Variants in CPE observed in about 807,000 individuals in gnomAD.
CPE encodes the protein carboxypeptidase E.
A neutral mutation model predicts 53.5 loss-of-function variants in CPE; 17 were observed. That is an observed-to-expected ratio of 0.32 (90% CI 0.22 to 0.48). The LOEUF is 0.48. Among genes scored for constraint, CPE ranks in the 20% least tolerant of loss-of-function variants. The pLI is 0.99. For missense variants in CPE, 524 were observed against 614.7 expected (o/e 0.85, Z 1.56); for synonymous variants, 226 against 228.8 (o/e 0.99, Z 0.11).
chr4:165,398,566 G>A (rs1730813689), intron 1 of CPE, among the ~76,000 whole-genome samples: 2 of 152,148 alleles, frequency 1.3e-5, no homozygotes, highest in Non-Finnish European at 2.9e-5. Flanking sequence ...TTTCAAGATA[G>A]CCCTGATTTT....
chr4:165,447,839 A>G (rs1380144346), intron 1 of CPE, among the ~76,000 whole-genome samples: 2 of 152,126 alleles, frequency 1.3e-5, no homozygotes, highest in Non-Finnish European at 2.9e-5. Flanking sequence ...AAAAACAAGG[A>G]CACAAACACA....
intron 7 of CPE, among the ~76,000 whole-genome samples, chr4:165,494,884 AAGG>A (rs1423999314): frequency 6.6e-6 from 1 of 152,288 alleles, no homozygotes; most frequent in East Asian, 1.9e-4. Context: ...TGTTAGGAAA[AAGG>A]AGAAGGTGTG....
At chr4:165,470,439 G>A (rs1732184922) in intron 3 of CPE, among the ~76,000 whole-genome samples, 1 of 152,090 alleles carries the variant, frequency 6.6e-6, no homozygotes, top group South Asian at 2.1e-4. Context: ...CCAGTTGAGT[G>A]TTCCTACTAA....
At chr4:165,385,238 T>C (rs983835971) in intron 1 of CPE, among the ~76,000 whole-genome samples, 1 of 152,164 alleles carries the variant, frequency 6.6e-6, no homozygotes, top group Non-Finnish European at 1.5e-5. Context: ...ATTCTTTTTT[T>C]ACTTTCAGTT....
intron 1 of CPE, among the ~76,000 whole-genome samples, chr4:165,399,188 A>G (rs140791974): frequency 1.3e-5 from 2 of 152,322 alleles, no homozygotes; most frequent in East Asian, 3.9e-4. Context: ...AATAATGTTT[A>G]CTGAGGATGT....
At chr4:165,484,340 C>A in intron 4 of CPE, 82 bp from the exon 5 acceptor site, 2 of 1,272,582 alleles carry the variant, frequency 1.6e-6, no homozygotes, top group Non-Finnish European at 2.2e-6. Context: ...TACAATTACT[C>A]AATACTGAAT....
At chr4:165,493,103 C>T (rs1732636039) in intron 6 of CPE, 68 bp from the exon 7 acceptor site, 3 of 966,432 alleles carry the variant, frequency 3.1e-6, no homozygotes, top group East Asian at 5.1e-5. Flanking sequence ...TGATATGAAA[C>T]ATATTTAAGG....
intron 6 of CPE, among the ~76,000 whole-genome samples, chr4:165,488,363 T>A (rs1732543574): frequency 6.6e-6 from 1 of 152,192 alleles, no homozygotes; most frequent in Non-Finnish European, 1.5e-5. Flanking sequence ...GTCATTTATG[T>A]AGCCATTCCA....
At chr4:165,480,976 C>G (rs142144161) in intron 3 of CPE, among the ~76,000 whole-genome samples, 9 of 141,182 alleles carry the variant, frequency 6.4e-5, no homozygotes, top group Middle Eastern at 3.9e-3. Flanking sequence ...TCTTGTCTGT[C>G]TCTACATTTT....
intron 1 of CPE, among the ~76,000 whole-genome samples, chr4:165,434,126 A>G (rs199729962): frequency 6.9e-6 from 1 of 145,082 alleles, no homozygotes; most frequent in African/African-American, 2.6e-5. Flanking sequence ...CTTTTTTTTC[A>G]TTTATCTCAA....
At chr4:165,419,504 A>C (rs551822465) in intron 1 of CPE, among the ~76,000 whole-genome samples, 1 of 152,314 alleles carries the variant, frequency 6.6e-6, no homozygotes, top group Non-Finnish European at 1.5e-5. Flanking sequence ...CATTTTATTT[A>C]ATCCTCAAAA....
In CPE at chr4:165,487,558, T is replaced by C; in HGVS notation, c.1094T>C (p.Leu365Pro). ...KTYWEDNKNS[L>P]ISYLEQIHRG... ...TACTGGGAGGATAACAAAAACTCCCTCATTAGCTACCTTGAGCAGGTAAAC... is the reference window on the plus strand; with the variant it reads ...TACTGGGAGGATAACAAAAACTCCCCCATTAGCTACCTTGAGCAGGTAAAC... Residue 365 changes from leucine (L) to proline (P), a missense_variant, in exon 6 of 9, where the codon CTC (leucine) becomes CCC (proline). Transcript: ENST00000402744. 6.2e-7 allele frequency: 1 copy of C among 1,614,088 alleles called. No homozygotes were observed. Among genetic ancestry groups the C allele is most frequent in the Middle Eastern group, 1.6e-4 (1 of 6,062 alleles).
At chr4:165,462,242 C>T (rs1259628948) in intron 1 of CPE, among the ~76,000 whole-genome samples, 3 of 152,222 alleles carry the variant, frequency 2.0e-5, no homozygotes. Context: ...AAAGCATTCA[C>T]ATTCGAACAC....
Position 165,493,942 on chromosome 4 carries a change from C to T in CPE, c.1213+672C>T, listed in dbSNP as rs529829247. 9.9e-5 allele frequency among the ~76,000 whole-genome samples: 15 copies of T among 152,264 alleles called. No homozygotes were observed. In the South Asian group the frequency reaches 3.1e-3, roughly 32 times the overall value. On this transcript the variant is annotated intron_variant, in intron 7 of 8. Coordinates refer to ENST00000402744, the MANE Select transcript of CPE (RefSeq NM_001873.4). ...AGTTTGTCATTTGTTGGGATCTTTT[C>T]AATAATGACAACTTTTTCTTTTTAG...
Position 165,487,282 on chromosome 4 carries a change from C to T in CPE, c.974-156C>T, listed in dbSNP as rs181723231. On this transcript the variant is annotated intron_variant, in intron 5 of 8. Coordinates refer to ENST00000402744, the MANE Select transcript of CPE (RefSeq NM_001873.4). The stretch of plus-strand genomic sequence containing the variant: ...CAACCCCCGACCTATGTTGTTCAAT[C>T]CCTTACAGCAGATGATTTCCCTTAA... Among the ~76,000 whole-genome samples the T allele has an allele frequency of 2.1e-3, 324 of 152,306 alleles. 5 individuals carry two copies. Among genetic ancestry groups the T allele is most frequent in the Admixed American group, 0.019 (284 of 15,302 alleles).
At chr4:165,447,732 G>A (rs1365413120) in intron 1 of CPE, among the ~76,000 whole-genome samples, 1 of 152,014 alleles carries the variant, frequency 6.6e-6, no homozygotes, top group African/African-American at 2.4e-5. Context: ...TTCTATAGCT[G>A]TACAAAAATC....
chr4:165,447,498 G>A (rs1379540194), intron 1 of CPE, among the ~76,000 whole-genome samples: 1 of 151,908 alleles, frequency 6.6e-6, no homozygotes. Flanking sequence ...TTGAATCCAG[G>A]AGGCAGAGGT....
In CPE at chr4:165,484,514, C is replaced by G; in HGVS notation, c.883C>G (p.Pro295Ala). The G allele has an allele frequency of 1.2e-6, 2 of 1,614,094 alleles. No individual in the cohort carries two copies. Among genetic ancestry groups the G allele is most frequent in the Non-Finnish European group, 1.7e-6 (2 of 1,179,978 alleles). The change falls in exon 5 of 9, where the codon CCC (proline) becomes GCC (alanine). Residue 295 changes from proline to alanine, a missense_variant. Coordinates refer to ENST00000402744, the MANE Select transcript of CPE (RefSeq NM_001873.4). ...TTCTTTCAACCCGGCCATGTCTGAC[C>G]CCAATCGGCCACCATGTCGCAAGAA... is the stretch of plus-strand genomic sequence containing the variant. ...YSSFNPAMSD[P>A]NRPPCRKNDD...
chr4:165,411,501 T>A (rs1731041782), intron 1 of CPE, among the ~76,000 whole-genome samples: 1 of 152,190 alleles, frequency 6.6e-6, no homozygotes, highest in South Asian at 2.1e-4. Context: ...TGCTAAATAA[T>A]TGGCCAGGAA....
Sources: gnomAD v4.1 joint callset for allele counts (sites outside exome capture counted in the v4.1 genomes callset) on GRCh38, gnomAD v4.1.1 for gene constraint, MANE v1.5 for transcripts, NCBI Gene and HGNC (gene_info 2026-07-23, HGNC 2026-07-21) for gene names.